Variants in SMCHD1 observed in about 807,000 individuals in gnomAD.
SMCHD1 encodes the protein structural maintenance of chromosomes flexible hinge domain containing 1.
Under a neutral mutation model 254.7 loss-of-function variants are expected in SMCHD1, and 78 were observed. That is an observed-to-expected ratio of 0.31 (90% CI 0.26 to 0.37). SMCHD1 has a LOEUF of 0.37. Among genes scored for constraint, SMCHD1 ranks in the 10% least tolerant of loss-of-function variants. SMCHD1 has a pLI of 1.00. For missense variants in SMCHD1, 1,840 were observed against 2,408.1 expected (o/e 0.76, Z 4.94); for synonymous variants, 766 against 794.9 (o/e 0.96, Z 0.61).
chr18:2,768,668 GTGTACTATA>G (rs1250638314), intron 37 of SMCHD1, among the ~76,000 whole-genome samples: 1 of 101,836 alleles, frequency 9.8e-6, no homozygotes, highest in African/African-American at 3.1e-5. Flanking sequence ...ATAGTATATA[GTGTACTATA>G]TACTATACTA....
chr18:2,705,581 A>C (rs1400995477), intron 13 of SMCHD1, 113 bp from the exon 14 acceptor site: 5 of 455,924 alleles, frequency 1.1e-5, no homozygotes, highest in Non-Finnish European at 1.5e-5. Flanking sequence ...AATGATAGTT[A>C]CCAAGGTTTT....
Position 2,707,572 on chromosome 18 carries a change from T to G in SMCHD1, c.2073T>G (p.Asp691Glu), listed in dbSNP as rs758721278. 1.2e-6 allele frequency: 2 copies of G among 1,603,382 alleles called. No individual in the cohort carries two copies. The highest frequency in any genetic ancestry group is 1.7e-6 in the Non-Finnish European group (2 of 1,174,142). Residue 691 changes from aspartate to glutamate, a missense_variant, in exon 16 of 48, where the codon GAT becomes GAG. This residue lies in a region of SMCHD1 where 498 missense variants were observed against 743.5 expected (regional missense o/e 0.67). Coordinates refer to ENST00000320876, the MANE Select transcript of SMCHD1 (RefSeq NM_015295.3). ...GCTGGTTTCATAACAGGCTCCCTGA[T>G]AGATTGTCAGTAACTTGGCCTGAAG... ...YVEDEMARLP[D>E]RLSVTWPEGD...
rs1555622217 is a variant in SMCHD1 at position 2,656,098 on chromosome 18, G to A, written c.23G>A (p.Gly8Glu). ...AATATGGCAGCGGCGGACGGCGGCGGGCCTGGTGGGGCCTCTGTGGGGACT... is the reference window on the plus strand; with the variant it reads ...AATATGGCAGCGGCGGACGGCGGCGAGCCTGGTGGGGCCTCTGTGGGGACT... MAAADGG[G>E]PGGASVGTEE... The change falls in exon 1 of 48, where the codon GGG becomes GAG. Residue 8 changes from glycine to glutamate, a missense_variant. By Grantham distance (98) the Gly-to-Glu change is moderately conservative. Transcript: ENST00000320876. The A allele has an allele frequency of 3.5e-6, 5 of 1,413,642 alleles. No individual in the cohort carries two copies. Among genetic ancestry groups the A allele is most frequent in the Non-Finnish European group, 2.8e-6 (3 of 1,081,788 alleles). 87.6% of individuals were successfully genotyped at this position (1,413,642 alleles called of 1,614,324 possible). A position where few individuals can be genotyped will look rare whatever the true frequency, so the allele number is the denominator to read the frequency against.
chr18:2,755,768 T>C (rs183007440), intron 34 of SMCHD1, among the ~76,000 whole-genome samples: 177 of 151,662 alleles, frequency 1.2e-3, no homozygotes, highest in African/African-American at 3.5e-3. Flanking sequence ...AGGGTTTCAC[T>C]GTGTTAGCCA....
In SMCHD1 at chr18:2,725,007, G is replaced by A. The variant is rs376324678; in HGVS notation, c.2700+12G>A. On this transcript the variant is annotated intron_variant, in intron 21 of 47. Coordinates refer to ENST00000320876, the MANE Select transcript of SMCHD1 (RefSeq NM_015295.3). ...CTTGTCAAGGCAAGGTAAGCATTAT[G>A]TATAGATCCTATGATACTTGTTAAG... is the stretch of plus-strand genomic sequence containing the variant. The A allele has an allele frequency of 4.8e-6, 7 of 1,445,558 alleles. No homozygotes were observed. The East Asian group carries it at 9.3e-5, about 19-fold the overall frequency. The allele number at this position is 1,445,558 out of a possible 1,614,324, so 89.5% of individuals were successfully genotyped here.
intron 5 of SMCHD1, among the ~76,000 whole-genome samples, chr18:2,676,767 T>TA (rs2073759903): frequency 6.6e-6 from 1 of 152,176 alleles, no homozygotes; most frequent in South Asian, 2.1e-4. Flanking sequence ...ATGATCTGTC[T>TA]ACACACTTAC....
At chr18:2,783,773 A>G (rs1282549338) in intron 44 of SMCHD1, among the ~76,000 whole-genome samples, 1 of 152,002 alleles carries the variant, frequency 6.6e-6, no homozygotes, top group East Asian at 1.9e-4. Context: ...AGGTTTCAAC[A>G]TGTTGGTCAG....
chr18:2,663,871 C>T (rs759688993), intron 1 of SMCHD1, among the ~76,000 whole-genome samples: 1 of 152,098 alleles, frequency 6.6e-6, no homozygotes, highest in South Asian at 2.1e-4. Context: ...CCTGCCACCA[C>T]GCCTGGCTAA....
At chr18:2,787,195 G>A (rs775405030) in intron 45 of SMCHD1, among the ~76,000 whole-genome samples, 5 of 152,150 alleles carry the variant, frequency 3.3e-5, no homozygotes, top group Admixed American at 6.5e-5. Context: ...AAAAGGGAAG[G>A]GGAGGGAAGG....
chr18:2,696,229 A>G (rs2074282359), intron 8 of SMCHD1, among the ~76,000 whole-genome samples: 1 of 152,142 alleles, frequency 6.6e-6, no homozygotes, highest in African/African-American at 2.4e-5. Context: ...TCAGTGCTAT[A>G]GGAGAGGAGA....
chr18:2,694,785 G>C (rs1181893881), intron 8 of SMCHD1, 92 bp downstream of exon 8: 1 of 1,095,734 alleles, frequency 9.1e-7, no homozygotes, highest in African/African-American at 1.6e-5. Flanking sequence ...TTTGGTATCC[G>C]TTTTGCTCCT....
In SMCHD1 at chr18:2,775,796, A is replaced by C; in HGVS notation, c.5238A>C (p.Ala1746=). 1 of 1,613,636 alleles carries C rather than the reference A, an allele frequency of 6.2e-7. No homozygotes were observed. Among genetic ancestry groups the C allele is most frequent in the African/African-American group, 1.3e-5 (1 of 75,046 alleles). Residue 1746 remains alanine, a synonymous_variant, in exon 42 of 48, where the codon GCA becomes GCC. Transcript: ENST00000320876. The part of the protein sequence containing the change: ...RAAMVISWHL[A]SDMDCVVTLT... ...CGATGGTTATTTCTTGGCATCTGGC[A>C]AGTGACATGGACTGTGTAGTCACCC...
intron 5 of SMCHD1, among the ~76,000 whole-genome samples, chr18:2,680,454 G>A (rs2073899181): frequency 6.6e-6 from 1 of 152,148 alleles, no homozygotes; most frequent in African/African-American, 2.4e-5. Flanking sequence ...ATTATCTTAA[G>A]TGCCTTGAAC....
chr18:2,788,200 A>G (rs887162459), intron 45 of SMCHD1, among the ~76,000 whole-genome samples: 1 of 152,236 alleles, frequency 6.6e-6, no homozygotes. Flanking sequence ...TTTGTTTTCT[A>G]AATAATTTGC....
intron 37 of SMCHD1, among the ~76,000 whole-genome samples, chr18:2,764,647 A>G (rs1418346176): frequency 3.3e-5 from 5 of 152,208 alleles, no homozygotes; most frequent in Non-Finnish European, 7.4e-5. Context: ...TCAGTATTCC[A>G]TAAACAATAC....
intron 12 of SMCHD1, among the ~76,000 whole-genome samples, 183 bp from the exon 13 acceptor site, chr18:2,703,509 A>G (rs1371769077): frequency 1.3e-5 from 2 of 152,166 alleles, no homozygotes; most frequent in Non-Finnish European, 2.9e-5. Context: ...CTTCTTTGGT[A>G]ATGCATTTGT....
At chr18:2,752,600 G>A (rs757193424) in intron 34 of SMCHD1, 48 bp downstream of exon 34, 4 of 1,256,926 alleles carry the variant, frequency 3.2e-6, no homozygotes, top group African/African-American at 3.0e-5. Context: ...TTGTTACAAA[G>A]TAATTCAACC....
intron 1 of SMCHD1, among the ~76,000 whole-genome samples, chr18:2,665,711 C>T (rs768852743): frequency 7.9e-5 from 12 of 152,170 alleles, no homozygotes; most frequent in Non-Finnish European, 1.3e-4. Context: ...TTCTTCCCTC[C>T]GTGCTATAAA....
chr18:2,741,319 A>G (rs908191594), intron 28 of SMCHD1, among the ~76,000 whole-genome samples: 1 of 152,188 alleles, frequency 6.6e-6, no homozygotes, highest in African/African-American at 2.4e-5. Context: ...TAGAGAGGTA[A>G]AGACAGCTTT....
Sources: allele counts gnomAD v4.1 joint callset (sites outside exome capture counted in the v4.1 genomes callset), GRCh38; gene constraint gnomAD v4.1.1; regional missense constraint gnomAD v4.1.1; transcripts MANE v1.5; gene names NCBI Gene and HGNC (gene_info 2026-07-23, HGNC 2026-07-21).